Variants in TIMELESS observed in about 807,000 individuals in gnomAD.
The protein encoded by TIMELESS is protein timeless homolog.
Under a neutral mutation model 164.3 loss-of-function variants are expected in TIMELESS, and 124 were observed. The ratio of observed to expected loss-of-function variants is 0.75; its 90% CI spans 0.65 to 0.88. The LOEUF is 0.88. Ranked by LOEUF, TIMELESS falls within the 40% of genes least tolerant of loss-of-function variation. The probability of loss-of-function intolerance (pLI) is 0.00; values close to 1 mark genes in which losing one functional copy is unlikely to be tolerated. For synonymous variants in TIMELESS, 564 were observed against 563.4 expected, an observed-to-expected ratio of 1.00 and a Z score of -0.02; for missense variants, 1,422 against 1,491.4, an observed-to-expected ratio of 0.95 and a Z score of 0.77.
At chr12:56,435,653 A>C (rs867265227) in intron 1 of TIMELESS, among the ~76,000 whole-genome samples, 1 of 152,316 alleles carries the variant, frequency 6.6e-6, no homozygotes, top group African/African-American at 2.4e-5. Context: ...TCTTCTACTA[A>C]AAATACAAAC....
chr12:56,420,892 G>A lies in TIMELESS; in HGVS notation c.3041-11C>T. 6.2e-7 allele frequency: 1 copy of A among 1,614,126 alleles called. No individual in the cohort carries two copies. Among genetic ancestry groups the A allele is most frequent in the Non-Finnish European group, 8.5e-7 (1 of 1,180,016 alleles). On this transcript the variant is annotated splice_polypyrimidine_tract_variant and intron_variant, in intron 24 of 28. Transcript: ENST00000553532. ...GCGGGATAGAAAAGCCTAAGGAAAT[G>A]AGGGAAACTTACATTTGACCCTACT...
At position 56,431,508 on chromosome 12, in the gene TIMELESS, C is replaced by T. The variant is rs1881880279; in HGVS notation, c.784G>A (p.Ala262Thr). The change falls in exon 8 of 29, where the codon GCA becomes ACA. Residue 262 changes from alanine to threonine, a missense_variant. Physicochemically the swap from Ala to Thr is moderately conservative, Grantham distance 58. Coordinates refer to ENST00000553532, the MANE Select transcript of TIMELESS (RefSeq NM_003920.5). ...ELEVLRQREM[A>T]EKKTRALQRG... ...TGGAGGGCTCGAGTCTTCTTTTCTG[C>T]CATCTCTCGCTGGCGCAACACCTCC... is the stretch of plus-strand genomic sequence containing the variant. 6.2e-7 allele frequency: 1 copy of T among 1,613,300 alleles called. No homozygotes were observed. Among genetic ancestry groups the T allele is most frequent in the Admixed American group, 1.7e-5 (1 of 59,716 alleles).
chr12:56,427,480 A>C (rs1259369896), intron 13 of TIMELESS, among the ~76,000 whole-genome samples: 3 of 152,148 alleles, frequency 2.0e-5, no homozygotes. Context: ...CACAATCCCA[A>C]CTTTATGGAT....
chr12:56,439,554 C>G (rs1868249827), intron 1 of TIMELESS, among the ~76,000 whole-genome samples: 2 of 152,114 alleles, frequency 1.3e-5, no homozygotes, highest in Admixed American at 6.6e-5. Context: ...AATACCACAT[C>G]TGGCTAATTT....
chr12:56,428,909 G>A lies in TIMELESS; in HGVS notation c.1278C>T (p.Arg426=). Residue 426 remains arginine (R), a synonymous_variant, in exon 11 of 29, where the codon CGC becomes CGT. Coordinates refer to ENST00000553532, the MANE Select transcript of TIMELESS (RefSeq NM_003920.5). Reference sequence around the variant, plus strand: ...GGCGTGCCCAGGAGGCAGCTTCCTTGCGGTCAGTCAGCATCATCTCATAGT... The same window carrying A: ...GGCGTGCCCAGGAGGCAGCTTCCTTACGGTCAGTCAGCATCATCTCATAGT... ...TNYYEMMLTD[R]KEAASWARRM... 1.2e-6 allele frequency: 2 copies of A among 1,613,954 alleles called. No homozygotes were observed. The highest frequency in any genetic ancestry group is 1.7e-6 in the Non-Finnish European group (2 of 1,180,020).
At chr12:56,440,111 T>C (rs1425656262) in intron 1 of TIMELESS, among the ~76,000 whole-genome samples, 2 of 150,914 alleles carry the variant, frequency 1.3e-5, no homozygotes, top group African/African-American at 2.4e-5. Flanking sequence ...AAATATTAAA[T>C]GTATTTGCAA....
At chr12:56,443,396 G>A (rs549593080) in intron 1 of TIMELESS, among the ~76,000 whole-genome samples, 1 of 152,162 alleles carries the variant, frequency 6.6e-6, no homozygotes, top group Non-Finnish European at 1.5e-5. Context: ...GGCTTACTAG[G>A]ATTGGGAAAT....
intron 13 of TIMELESS, 33 bp downstream of exon 13, chr12:56,428,203 C>A: frequency 6.5e-7 from 1 of 1,546,164 alleles, no homozygotes; most frequent in Non-Finnish European, 8.7e-7. Context: ...CTCTCCCTTA[C>A]AGCTCTTTCT....
intron 9 of TIMELESS, 28 bp from the exon 10 acceptor site, chr12:56,430,309 T>C (rs1384747953): frequency 2.5e-6 from 4 of 1,598,120 alleles, no homozygotes; most frequent in Non-Finnish European, 2.6e-6. Flanking sequence ...GGGATTAGAA[T>C]TACTCCTAAA....
chr12:56,426,104 T>C (rs1479723007), intron 13 of TIMELESS, among the ~76,000 whole-genome samples: 1 of 152,066 alleles, frequency 6.6e-6, no homozygotes, highest in African/African-American at 2.4e-5. Context: ...TGGATTTGAG[T>C]ATTGAATTAG....
At chr12:56,440,190 G>A (rs2136151796) in intron 1 of TIMELESS, among the ~76,000 whole-genome samples, 1 of 138,176 alleles carries the variant, frequency 7.2e-6, no homozygotes, top group East Asian at 2.2e-4. Context: ...CCAGGCTGGA[G>A]TGCAGTGGCA....
intron 15 of TIMELESS, 30 bp from the exon 16 acceptor site, chr12:56,423,924 C>G (rs1435682172): frequency 6.3e-7 from 1 of 1,588,834 alleles, no homozygotes; most frequent in African/African-American, 1.3e-5. Flanking sequence ...AAGGCTTTAC[C>G]CAGGGGAAAT....
At chr12:56,424,619 T>C (rs1968843559) in intron 15 of TIMELESS, 143 bp downstream of exon 15, 1 of 960,868 alleles carries the variant, frequency 1.0e-6, no homozygotes, top group Non-Finnish European at 1.4e-6. Flanking sequence ...AACAAACCAA[T>C]CAAAACGCCC....
At chr12:56,420,534 C>A (rs370913455) in intron 26 of TIMELESS, 35 bp downstream of exon 26, 3 of 1,573,478 alleles carry the variant, frequency 1.9e-6, no homozygotes. Context: ...ATAGGACTAA[C>A]ACGCCTTGGT....
At chr12:56,420,112 C>T (rs975006627) in intron 26 of TIMELESS, among the ~76,000 whole-genome samples, 38 of 128,306 alleles carry the variant, frequency 3.0e-4, no homozygotes, top group African/African-American at 1.0e-3. Flanking sequence ...TATATATTTA[C>T]AATACAGTAT....
chr12:56,437,000 G>A (rs545637654), intron 1 of TIMELESS, among the ~76,000 whole-genome samples: 2 of 151,118 alleles, frequency 1.3e-5, no homozygotes, highest in South Asian at 2.1e-4. Flanking sequence ...GCGTGATCTC[G>A]GCTCACTGCA....
At chr12:56,431,045 T>C in intron 8 of TIMELESS, 77 bp from the exon 9 acceptor site, 4 of 1,046,638 alleles carry the variant, frequency 3.8e-6, no homozygotes, top group Non-Finnish European at 5.5e-6. Context: ...ATCGGCACAT[T>C]GGAGCAAGTT....
rs543604102 is a variant in TIMELESS at position 56,433,764 on chromosome 12, G to A, written c.251+9C>T. On this transcript the variant is annotated intron_variant, in intron 3 of 28. Coordinates refer to ENST00000553532, the MANE Select transcript of TIMELESS (RefSeq NM_003920.5). Reference sequence around the variant, plus strand: ...CAGGTGGCAAAAGTTTAAAAGCTAGGGAGGCAACCTGATAACAGCATCAAA... The same window carrying A: ...CAGGTGGCAAAAGTTTAAAAGCTAGAGAGGCAACCTGATAACAGCATCAAA... 1.1e-5 allele frequency: 17 copies of A among 1,614,102 alleles called. No individual in the cohort carries two copies. In the South Asian group the frequency reaches 1.5e-4, roughly 15 times the overall value.
intron 1 of TIMELESS, among the ~76,000 whole-genome samples, chr12:56,446,674 T>A (rs1423851973): frequency 6.6e-6 from 1 of 151,494 alleles, no homozygotes; most frequent in East Asian, 1.9e-4. Flanking sequence ...CTACTAAAAA[T>A]AAAAAAAATT....
Sources: gnomAD v4.1 joint callset for allele counts (sites outside exome capture counted in the v4.1 genomes callset) on GRCh38, gnomAD v4.1.1 for gene constraint, MANE v1.5 for transcripts, NCBI Gene and HGNC (gene_info 2026-07-23, HGNC 2026-07-21) for gene names.